Variants in CRADD observed in about 807,000 individuals in gnomAD.
CRADD encodes CARD and death domain containing adaptor protein.
CRADD carries 9 observed loss-of-function variants against 15.5 expected under a neutral mutation model. The observed-to-expected ratio is 0.58, with a 90% confidence interval of 0.35 to 1.01. CRADD has a LOEUF of 1.01. Among genes scored for constraint, CRADD ranks in the 50% least tolerant of loss-of-function variants. The probability of loss-of-function intolerance (pLI) is 0.02; values close to 1 mark genes in which losing one functional copy is unlikely to be tolerated. For missense variants in CRADD, 227 were observed against 250.3 expected, an observed-to-expected ratio of 0.91 and a Z score of 0.63; for synonymous variants, 118 against 107.6, an observed-to-expected ratio of 1.10 and a Z score of -0.60.
intron 2 of CRADD, among the ~76,000 whole-genome samples, chr12:93,860,551 A>G (rs896963725): frequency 1.3e-5 from 2 of 152,210 alleles, no homozygotes; most frequent in African/African-American, 4.8e-5. Context: ...AAGGAGTAGT[A>G]CTGTTGCCAA....
intron 2 of CRADD, among the ~76,000 whole-genome samples, chr12:93,819,064 G>C (rs1306472873): frequency 6.6e-6 from 1 of 152,230 alleles, no homozygotes; most frequent in African/African-American, 2.4e-5. Flanking sequence ...CTTAATTAAG[G>C]TTGTGACAGA....
chr12:93,797,490 C>T (rs1351055783), intron 2 of CRADD, among the ~76,000 whole-genome samples: 1 of 152,092 alleles, frequency 6.6e-6, no homozygotes, highest in African/African-American at 2.4e-5. Flanking sequence ...TCATCCCTCA[C>T]CAAAATGTTA....
rs1466443903 is a variant in CRADD at position 93,797,946 on chromosome 12, G to A, written c.299-52024G>A. On this transcript the variant is annotated intron_variant, in intron 2 of 2. Transcript: ENST00000332896. ...GCACCCTATTGAATCAACTGTTTCTGTTTTTCCATTTTAGTTGTGTCACTC... is the reference window on the plus strand; with the variant it reads ...GCACCCTATTGAATCAACTGTTTCTATTTTTCCATTTTAGTTGTGTCACTC... Among the ~76,000 whole-genome samples the A allele has an allele frequency of 2.6e-5, 4 of 152,124 alleles. No individual in the cohort carries two copies. The East Asian group carries it at 7.7e-4, about 29-fold the overall frequency.
intron 2 of CRADD, among the ~76,000 whole-genome samples, chr12:93,685,803 C>T (rs1313183353): frequency 6.6e-6 from 1 of 152,010 alleles, no homozygotes; most frequent in African/African-American, 2.4e-5. Flanking sequence ...ACCAGCCTGG[C>T]CAACATGGTG....
intron 2 of CRADD, among the ~76,000 whole-genome samples, chr12:93,716,325 T>G (rs1008466920): frequency 6.6e-6 from 1 of 152,160 alleles, no homozygotes; most frequent in Non-Finnish European, 1.5e-5. Flanking sequence ...CTGTCTACAG[T>G]TCCCAGGAGA....
chr12:93,843,717 G>T (rs1565936049), intron 2 of CRADD, among the ~76,000 whole-genome samples: 2 of 150,272 alleles, frequency 1.3e-5, no homozygotes, highest in Non-Finnish European at 3.0e-5. Context: ...TTTTATTTAT[G>T]TATTTATTTA....
At chr12:93,887,902 G>A (rs1593062780) in intron 2 of CRADD, among the ~76,000 whole-genome samples, 4 of 152,192 alleles carry the variant, frequency 2.6e-5, no homozygotes, top group South Asian at 2.1e-4. Flanking sequence ...TAACATGAAG[G>A]CAGGACAAGG....
intron 2 of CRADD, among the ~76,000 whole-genome samples, chr12:93,845,740 C>T (rs1958106925): frequency 6.6e-6 from 1 of 152,090 alleles, no homozygotes; most frequent in African/African-American, 2.4e-5. Flanking sequence ...AAGATGTCAT[C>T]ATGATAAAAC....
At chr12:93,766,010 G>A (rs991571447) in intron 2 of CRADD, among the ~76,000 whole-genome samples, 2 of 152,072 alleles carry the variant, frequency 1.3e-5, no homozygotes, top group Admixed American at 1.3e-4. Context: ...TCCTTAAAAA[G>A]GTAGTTTATT....
At chr12:93,677,601 G>A (rs1167630510) in intron 1 of CRADD, 129 bp downstream of exon 1, 4 of 152,434 alleles carry the variant, frequency 2.6e-5, no homozygotes, top group Non-Finnish European at 1.5e-5. Flanking sequence ...CTGGGTGGCT[G>A]CGGCAGTGCC....
At chr12:93,679,296 C>T (rs1955232873) in intron 2 of CRADD, among the ~76,000 whole-genome samples, 1 of 152,130 alleles carries the variant, frequency 6.6e-6, no homozygotes, top group Non-Finnish European at 1.5e-5. Context: ...CATTTGCCAC[C>T]ATGCCCTGCT....
intron 2 of CRADD, among the ~76,000 whole-genome samples, chr12:93,834,114 G>C (rs1359858860): frequency 6.6e-6 from 1 of 152,214 alleles, no homozygotes; most frequent in Non-Finnish European, 1.5e-5. Context: ...GCCGGCACGT[G>C]AAAGGCACAG....
At chr12:93,863,436 C>T (rs2137060712) in intron 2 of CRADD, among the ~76,000 whole-genome samples, 1 of 152,252 alleles carries the variant, frequency 6.6e-6, no homozygotes. Context: ...TTTATCTTCC[C>T]TTCATTCTAC....
At chr12:93,887,946 T>A (rs1958549134) in intron 2 of CRADD, among the ~76,000 whole-genome samples, 1 of 152,126 alleles carries the variant, frequency 6.6e-6, no homozygotes. Flanking sequence ...GGTACCTAAC[T>A]CAGTCTTGGA....
At chr12:93,883,818 G>T (rs925160266) in intron 2 of CRADD, among the ~76,000 whole-genome samples, 1 of 152,154 alleles carries the variant, frequency 6.6e-6, no homozygotes, top group South Asian at 2.1e-4. Flanking sequence ...GGGTGACAGG[G>T]TGAGACCTTG....
rs538590035 is a variant in CRADD, at chr12:93,864,896, A to G, written c.299-29154A>G. 2.0e-5 allele frequency among the ~76,000 whole-genome samples: 3 copies of G among 152,366 alleles called. No homozygotes were observed. The South Asian group carries it at 6.2e-4, about 32-fold the overall frequency. On this transcript the variant is annotated intron_variant, in intron 2 of 2. Coordinates refer to the CRADD transcript ENST00000548483. ...GACAGATAATCATAGAACCAACCTC[A>G]TAACACCGTTATAAGGAGGCAATGA...
Position 93,886,162 on chromosome 12 carries a change from C to CGTTTT in CRADD, c.299-7888_299-7887insGTTTT, listed in dbSNP as rs1555231623. Among the ~76,000 whole-genome samples, 151 of 123,932 alleles carry CGTTTT rather than the reference C, an allele frequency of 1.2e-3. 3 individuals carry two copies. The highest frequency in any genetic ancestry group is 4.3e-3 in the African/African-American group (143 of 32,916). 81.3% of individuals were successfully genotyped at this position (123,932 alleles called of 152,430 possible). On this transcript the variant is annotated intron_variant, in intron 2 of 2. Coordinates refer to the CRADD transcript ENST00000548483. ...ATGGACATGCCTCTAGCTGCTGATGCTTTTTTTTTTTTTTTTTTTTGAGAC... is the reference window on the plus strand; with the variant it reads ...ATGGACATGCCTCTAGCTGCTGATGCGTTTTTTTTTTTTTTTTTTTTTTTTGAGAC...
chr12:93,863,899 A>T (rs1295613951), intron 2 of CRADD, among the ~76,000 whole-genome samples: 2 of 152,184 alleles, frequency 1.3e-5, no homozygotes, highest in Non-Finnish European at 1.5e-5. Context: ...TATTCCAAAC[A>T]GCAGTATACT....
At chr12:93,866,388 A>T (rs4761748) in intron 2 of CRADD, among the ~76,000 whole-genome samples, 3 of 152,036 alleles carry the variant, frequency 2.0e-5, no homozygotes, top group Non-Finnish European at 4.4e-5. Context: ...CTGGATTTTT[A>T]ATTTATAACA....
Sources: allele counts gnomAD v4.1 joint callset (sites outside exome capture counted in the v4.1 genomes callset), GRCh38; gene constraint gnomAD v4.1.1; transcripts MANE v1.5; gene names NCBI Gene and HGNC (gene_info 2026-07-23, HGNC 2026-07-21).